Variants in AGAP1 observed in about 807,000 individuals in gnomAD.
AGAP1 encodes ArfGAP with GTPase domain, ankyrin repeat and PH domain 1.
Under a neutral mutation model 105.3 loss-of-function variants are expected in AGAP1, and 29 were observed. That is an observed-to-expected ratio of 0.28 (90% confidence interval 0.21 to 0.38). AGAP1 has a LOEUF of 0.38. Ranked by LOEUF, AGAP1 falls within the 10% of genes least tolerant of loss-of-function variation. AGAP1 has a pLI of 1.00. For synonymous variants in AGAP1, 509 were observed against 485.9 expected, an observed-to-expected ratio of 1.05 and a Z score of -0.63; for missense variants, 998 against 1,165.1, an observed-to-expected ratio of 0.86 and a Z score of 2.09.
At position 235,901,323 on chromosome 2, in the gene AGAP1, G is replaced by A. The variant is rs1451000175; in HGVS notation, c.1156-7415G>A. On this transcript the variant is annotated intron_variant, in intron 10 of 17. Transcript: ENST00000304032. This position sits in a 1 kb window ranked among gnomAD's most constrained non-coding sequence, Gnocchi z 4.3. ...CCAGAAGTGAGGCTTTTTAAAAATA[G>A]AACTTCACAAATTACTGCTTCCTTT... 6.6e-6 allele frequency among the ~76,000 whole-genome samples: 1 copy of A among 151,614 alleles called. No homozygotes were observed. The highest frequency in any genetic ancestry group is 2.4e-5 in the African/African-American group (1 of 41,184).
At chr2:235,775,469 AT>A (rs1385360629) in intron 6 of AGAP1, among the ~76,000 whole-genome samples, 5 of 152,146 alleles carry the variant, frequency 3.3e-5, no homozygotes, top group African/African-American at 1.2e-4. Context: ...AACAACATTT[AT>A]TTTCCTACCT....
intron 9 of AGAP1, among the ~76,000 whole-genome samples, chr2:235,827,537 T>C (rs901739089): frequency 6.6e-6 from 1 of 152,230 alleles, no homozygotes; most frequent in Non-Finnish European, 1.5e-5. Context: ...GATACATTAA[T>C]GAGCCTTATC....
chr2:235,847,559 C>G (rs1322070035), intron 9 of AGAP1, among the ~76,000 whole-genome samples: 2 of 152,196 alleles, frequency 1.3e-5, no homozygotes, highest in South Asian at 2.1e-4. Flanking sequence ...TAAAACTGTT[C>G]TAGCCATAGT....
chr2:235,687,855 T>C (rs1397622539), intron 1 of AGAP1, among the ~76,000 whole-genome samples: 1 of 141,900 alleles, frequency 7.0e-6, no homozygotes, highest in Non-Finnish European at 1.6e-5. Flanking sequence ...GGATTTTTTT[T>C]TTCTTTTTTT....
At chr2:235,766,097 T>C (rs1033998308) in intron 6 of AGAP1, among the ~76,000 whole-genome samples, 1 of 152,254 alleles carries the variant, frequency 6.6e-6, no homozygotes, top group African/African-American at 2.4e-5. Context: ...TTAGAAGCCA[T>C]TGGCTACATT....
Position 235,633,311 on chromosome 2 carries a change from G to A in AGAP1, c.164-75868G>A, listed in dbSNP as rs769605193. On this transcript the variant is annotated intron_variant, in intron 1 of 17. Coordinates refer to ENST00000304032, the MANE Select transcript of AGAP1 (RefSeq NM_001037131.3). This position sits in a 1 kb window ranked among gnomAD's most constrained non-coding sequence, Gnocchi z 4.8. ...GGAATTGGACAAATAGGGCATGAGC[G>A]GGCCGGGCGTGGTGGCTCATGCCTG... is the stretch of plus-strand genomic sequence containing the variant. Among the ~76,000 whole-genome samples the A allele has an allele frequency of 6.6e-6, 1 of 152,064 alleles. No individual in the cohort carries two copies. The highest frequency in any genetic ancestry group is 1.5e-5 in the Non-Finnish European group (1 of 68,002).
At chr2:235,798,135 G>A (rs1957326146) in intron 7 of AGAP1, among the ~76,000 whole-genome samples, 1 of 152,152 alleles carries the variant, frequency 6.6e-6, no homozygotes. Context: ...GGTGATGGGA[G>A]GTGTGTGCTG....
intron 9 of AGAP1, among the ~76,000 whole-genome samples, chr2:235,817,792 G>A (rs1244838763): frequency 6.6e-6 from 1 of 152,184 alleles, no homozygotes; most frequent in Non-Finnish European, 1.5e-5. Flanking sequence ...TCGGGAGCCT[G>A]AGGCAGGAGA....
At chr2:236,100,482 C>T (rs146805914) in intron 16 of AGAP1, among the ~76,000 whole-genome samples, 2 of 152,180 alleles carry the variant, frequency 1.3e-5, no homozygotes, top group East Asian at 1.9e-4. Flanking sequence ...GGAAAAACAC[C>T]TAGTGGGTGT....
intron 1 of AGAP1, among the ~76,000 whole-genome samples, chr2:235,585,841 G>A (rs985428147): frequency 1.2e-4 from 18 of 152,230 alleles, no homozygotes; most frequent in Admixed American, 4.6e-4. Flanking sequence ...GCGCGGACCC[G>A]AAATGAAGGC....
chr2:235,862,398 C>T (rs956288910), intron 9 of AGAP1, among the ~76,000 whole-genome samples: 6 of 152,160 alleles, frequency 3.9e-5, no homozygotes, highest in Non-Finnish European at 7.3e-5. Flanking sequence ...TTGTGCTGCT[C>T]GTAATGAAAC....
intron 1 of AGAP1, among the ~76,000 whole-genome samples, chr2:235,572,978 T>G: frequency 3.7e-5 from 1 of 27,382 alleles, no homozygotes. Flanking sequence ...CCATCTTTTT[T>G]CTTCTTCTTC....
chr2:235,781,237 T>G (rs1013836560), intron 6 of AGAP1, among the ~76,000 whole-genome samples: 3 of 152,178 alleles, frequency 2.0e-5, no homozygotes, highest in African/African-American at 7.2e-5. Flanking sequence ...GTAATAAAAC[T>G]AAAGTCATTA....
intron 9 of AGAP1, among the ~76,000 whole-genome samples, chr2:235,881,711 A>G (rs543502732): frequency 3.9e-5 from 6 of 152,348 alleles, no homozygotes; most frequent in Admixed American, 2.0e-4. Flanking sequence ...TAACAAAGGG[A>G]AACCTGTCAA....
chr2:235,500,215 T>C (rs1048598215), intron 1 of AGAP1, among the ~76,000 whole-genome samples: 1 of 151,998 alleles, frequency 6.6e-6, no homozygotes, highest in Non-Finnish European at 1.5e-5. Flanking sequence ...ATAGAATCAA[T>C]ATTAAGAGGA....
At chr2:236,037,151 T>C (rs1470660006) in intron 14 of AGAP1, 1 of 173,988 alleles carries the variant, frequency 5.7e-6, no homozygotes, top group Non-Finnish European at 1.2e-5. Context: ...AAATGAAAAG[T>C]AGATGGGTCT....
chr2:235,547,213 C>T (rs976200801), intron 1 of AGAP1, among the ~76,000 whole-genome samples: 10 of 152,154 alleles, frequency 6.6e-5, no homozygotes, highest in African/African-American at 2.2e-4. Flanking sequence ...TTGAGGCCCA[C>T]GTCCAGAGTT....
intron 9 of AGAP1, among the ~76,000 whole-genome samples, chr2:235,810,232 T>C (rs1472526174): frequency 1.3e-5 from 2 of 152,208 alleles, no homozygotes; most frequent in African/African-American, 2.4e-5. Context: ...TCAGCCATTC[T>C]CCGGGTGGGA....
At chr2:235,804,099 AG>A (rs1293512120) in intron 8 of AGAP1, among the ~76,000 whole-genome samples, 3 of 152,204 alleles carry the variant, frequency 2.0e-5, no homozygotes, top group African/African-American at 7.2e-5. Context: ...GCAAATCCTA[AG>A]TAAAAGTTGC....
Sources: allele counts gnomAD v4.1 joint callset (sites outside exome capture counted in the v4.1 genomes callset), GRCh38; gene constraint gnomAD v4.1.1; non-coding constraint Gnocchi (gnomAD v3.1); transcripts MANE v1.5; gene names NCBI Gene and HGNC (gene_info 2026-07-23, HGNC 2026-07-21).